Variants in HNF4G observed in about 807,000 individuals in gnomAD.
HNF4G encodes the protein hepatocyte nuclear factor 4-gamma.
A neutral mutation model predicts 50.9 loss-of-function variants in HNF4G; 21 were observed. The ratio of observed to expected loss-of-function variants is 0.41; its 90% CI spans 0.29 to 0.59. The LOEUF is 0.59. HNF4G is among the 20% of genes least tolerant of loss of function. The probability of loss-of-function intolerance (pLI) is 0.26; values close to 1 mark genes in which losing one functional copy is unlikely to be tolerated. For synonymous variants in HNF4G, 198 were observed against 185.6 expected (o/e 1.07, Z -0.54); for missense variants, 527 against 559.4 (o/e 0.94, Z 0.58).
chr8:75,443,865 G>A (rs1294227772), intron 1 of HNF4G, among the ~76,000 whole-genome samples: 4 of 151,970 alleles, frequency 2.6e-5, no homozygotes, highest in African/African-American at 7.3e-5. Flanking sequence ...TCAAAAAGTT[G>A]GGAACTGTAA....
At chr8:75,428,097 A>G (rs1468373017) in intron 1 of HNF4G, among the ~76,000 whole-genome samples, 2 of 152,184 alleles carry the variant, frequency 1.3e-5, no homozygotes, top group Non-Finnish European at 2.9e-5. Flanking sequence ...CTAGAGGTAT[A>G]CTCATCAACA....
intron 2 of HNF4G, among the ~76,000 whole-genome samples, chr8:75,508,237 CAAG>C (rs1303257019): frequency 6.6e-6 from 1 of 151,970 alleles, no homozygotes; most frequent in African/African-American, 2.4e-5. Flanking sequence ...TCTCTGGCTC[CAAG>C]AAGAACTTTT....
At chr8:75,411,618 A>G (rs1035652886) in intron 1 of HNF4G, among the ~76,000 whole-genome samples, 1 of 152,162 alleles carries the variant, frequency 6.6e-6, no homozygotes, top group Non-Finnish European at 1.5e-5. Flanking sequence ...CTGGAAAACG[A>G]ATAGGGAGTT....
At chr8:75,444,886 C>G (rs1440711746) in intron 1 of HNF4G, among the ~76,000 whole-genome samples, 4 of 114,194 alleles carry the variant, frequency 3.5e-5, no homozygotes, top group African/African-American at 1.5e-4. Flanking sequence ...AGAAAGTCAA[C>G]AAGGATACCC....
chr8:75,504,851 A>G (rs1813034749), intron 2 of HNF4G, among the ~76,000 whole-genome samples: 1 of 152,142 alleles, frequency 6.6e-6, no homozygotes, highest in Admixed American at 6.5e-5. Flanking sequence ...TATACAGTGA[A>G]TTGTGAATTG....
chr8:75,541,705 A>T (rs1334247865), intron 1 of HNF4G, among the ~76,000 whole-genome samples: 1 of 152,066 alleles, frequency 6.6e-6, no homozygotes, highest in Non-Finnish European at 1.5e-5. Flanking sequence ...TATATTTAAT[A>T]TCTTTTGAAT....
chr8:75,524,512 C>G (rs1357606919), intron 2 of HNF4G, among the ~76,000 whole-genome samples: 1 of 151,954 alleles, frequency 6.6e-6, no homozygotes, highest in Non-Finnish European at 1.5e-5. Context: ...TATTTATGTC[C>G]ATATGTTACA....
chr8:75,553,864 A>T (rs1471496855), intron 5 of HNF4G, among the ~76,000 whole-genome samples: 1 of 152,180 alleles, frequency 6.6e-6, no homozygotes, highest in East Asian at 1.9e-4. Flanking sequence ...TATGCCCATT[A>T]GGATATTTTA....
intron 1 of HNF4G, among the ~76,000 whole-genome samples, chr8:75,463,326 G>A (rs34352743): frequency 0.04 from 6,049 of 152,034 alleles, 166 homozygotes; most frequent in African/African-American, 0.056. Flanking sequence ...CCTCTGCCTC[G>A]TCATTCCCTC....
chr8:75,524,096 C>G (rs1346464511), intron 2 of HNF4G, among the ~76,000 whole-genome samples: 2 of 151,928 alleles, frequency 1.3e-5, no homozygotes, highest in African/African-American at 2.4e-5. Context: ...CTATACACGC[C>G]TATGTATCCA....
chr8:75,562,315 T>C (rs931262043), intron 9 of HNF4G, among the ~76,000 whole-genome samples: 1 of 152,058 alleles, frequency 6.6e-6, no homozygotes, highest in Non-Finnish European at 1.5e-5. Context: ...ATTATTTGAA[T>C]ATATGAGAAA....
At chr8:75,531,232 T>C (rs1806318454) in intron 2 of HNF4G, among the ~76,000 whole-genome samples, 1 of 152,158 alleles carries the variant, frequency 6.6e-6, no homozygotes, top group Admixed American at 6.5e-5. Context: ...AAAAATGTAA[T>C]AGAAGAATTC....
At chr8:75,420,186 C>A (rs1810744593) in intron 1 of HNF4G, among the ~76,000 whole-genome samples, 1 of 152,154 alleles carries the variant, frequency 6.6e-6, no homozygotes. Context: ...ATATTAACTT[C>A]AATTGGGCCT....
upstream of HNF4G, among the ~76,000 whole-genome samples, chr8:75,537,187 G>A (rs1342061327): frequency 1.3e-5 from 2 of 151,870 alleles, no homozygotes; most frequent in Non-Finnish European, 2.9e-5. Context: ...TCACAATTTC[G>A]TTAAAAATTG....
intron 1 of HNF4G, 142 bp from the exon 2 acceptor site, chr8:75,543,669 C>A: frequency 1.7e-6 from 1 of 599,490 alleles, no homozygotes; most frequent in Non-Finnish European, 2.8e-6. Context: ...AAGCAGCCAG[C>A]CAGGGGTTAA....
intron 2 of HNF4G, among the ~76,000 whole-genome samples, chr8:75,497,167 T>A (rs1173891239): frequency 6.6e-6 from 1 of 152,052 alleles, no homozygotes; most frequent in Non-Finnish European, 1.5e-5. Flanking sequence ...AAGTCTGTTT[T>A]CTCTATTGGC....
At chr8:75,448,923 C>G (rs968789986) in intron 1 of HNF4G, among the ~76,000 whole-genome samples, 4 of 152,082 alleles carry the variant, frequency 2.6e-5, no homozygotes, top group Non-Finnish European at 4.4e-5. Flanking sequence ...ATGCAAAGGA[C>G]TTTGTGAATT....
At chr8:75,462,893 A>G (rs1437719646) in intron 1 of HNF4G, among the ~76,000 whole-genome samples, 1 of 152,150 alleles carries the variant, frequency 6.6e-6, no homozygotes, top group Non-Finnish European at 1.5e-5. Context: ...AATATAGTAC[A>G]TGTTGTACTT....
At chr8:75,485,520 AG>A (rs1812479036) in intron 1 of HNF4G, among the ~76,000 whole-genome samples, 1 of 150,408 alleles carries the variant, frequency 6.6e-6, no homozygotes, top group Non-Finnish European at 1.5e-5. Flanking sequence ...TGTTAATTAA[AG>A]TTTTGAGCTG....
Sources: allele counts gnomAD v4.1 joint callset (sites outside exome capture counted in the v4.1 genomes callset), GRCh38; gene constraint gnomAD v4.1.1; transcripts MANE v1.5; gene names NCBI Gene and HGNC (gene_info 2026-07-23, HGNC 2026-07-21).